Variants in ABHD8 observed in about 807,000 individuals in gnomAD.
The protein encoded by ABHD8 is abhydrolase domain containing 8.
ABHD8 carries 10 observed loss-of-function variants against 29.3 expected under a neutral mutation model. The ratio of observed to expected loss-of-function variants is 0.34; its 90% CI spans 0.21 to 0.58. The LOEUF (loss-of-function observed/expected upper bound fraction) is 0.58, where lower values mean the gene tolerates loss of function less well. Ranked by LOEUF, ABHD8 falls within the 20% of genes least tolerant of loss-of-function variation. The pLI is 0.85. For missense variants in ABHD8, 556 were observed against 615.3 expected, an observed-to-expected ratio of 0.90 and a Z score of 1.02; for synonymous variants, 282 against 274.6, an observed-to-expected ratio of 1.03 and a Z score of -0.27.
intron 4 of ABHD8, among the ~76,000 whole-genome samples, chr19:17,293,953 C>G (rs576823931): frequency 2.9e-4 from 44 of 152,188 alleles, no homozygotes; most frequent in South Asian, 2.1e-4. Flanking sequence ...CCCCTGGTGC[C>G]GGTCTTCTAG....
At chr19:17,300,133 T>C in intron 2 of ABHD8, among the ~76,000 whole-genome samples, 1 of 152,104 alleles carries the variant, frequency 6.6e-6, no homozygotes, top group Admixed American at 6.6e-5. Flanking sequence ...CTCAATCTTC[T>C]GACCTCGTGA....
chr19:17,294,578 C>A, intron 3 of ABHD8, 74 bp from the exon 4 acceptor site: 1 of 1,609,182 alleles, frequency 6.2e-7, no homozygotes. Context: ...GATGCCAGCC[C>A]TAGTCCCAGC....
Position 17,301,054 on chromosome 19 carries a change from A to C in ABHD8, c.563T>G (p.Leu188Arg), listed in dbSNP as rs1212478405. The change falls in exon 2 of 5, where the codon CTG becomes CGG. Residue 188 changes from leucine to arginine, a missense_variant. This residue lies in a region of ABHD8 where 270 missense variants were observed against 353.9 expected (regional missense o/e 0.76). Transcript: ENST00000247706. ...LFFIHGVGGS[L>R]AIWKEQLDFF... ...GTCCAGCTGCTCCTTCCAGATGGCCAGGGAACCGCCGACACCATGGATGAA... is the reference window on the plus strand; with the variant it reads ...GTCCAGCTGCTCCTTCCAGATGGCCCGGGAACCGCCGACACCATGGATGAA... 6.2e-7 allele frequency: 1 copy of C among 1,613,392 alleles called. No homozygotes were observed. The highest frequency in any genetic ancestry group is 1.3e-5 in the African/African-American group (1 of 74,956).
Position 17,292,811 on chromosome 19 carries a change from C to T in ABHD8, c.1170G>A (p.Leu390=), listed in dbSNP as rs751499183. ...TGTGGCTGCCCTCGTCGATGAGCTT[C>T]AGGAATGCCAGGAGCAGGATCTGCA... The part of the protein sequence containing the change: ...RMAEILLLAF[L]KLIDEGSHMV... Residue 390 remains leucine, a synonymous_variant, in exon 5 of 5, where the codon CTG becomes CTA. Coordinates refer to ENST00000247706, the MANE Select transcript of ABHD8 (RefSeq NM_024527.5). 6.2e-7 allele frequency: 1 copy of T among 1,612,686 alleles called. No homozygotes were observed. Among genetic ancestry groups the T allele is most frequent in the Admixed American group, 1.7e-5 (1 of 59,934 alleles).
At position 17,301,375 on chromosome 19, in the gene ABHD8, C is replaced by A; in HGVS notation, c.242G>T (p.Arg81Leu). 6.2e-7 allele frequency: 1 copy of A among 1,611,106 alleles called. No individual in the cohort carries two copies. Among genetic ancestry groups the A allele is most frequent in the Non-Finnish European group, 8.5e-7 (1 of 1,179,912 alleles). ...DLSGLVRCQR[R>L]ITVYRNGRLL... is the part of the protein sequence containing the mutation. ...CCGCCCATTGCGGTACACGGTGATC[C>A]GGCGCTGACAGCGGACCAAGCCGGA... is the stretch of plus-strand genomic sequence containing the variant. Residue 81 changes from arginine to leucine, a missense_variant, in exon 2 of 5, where the codon CGG (arginine) becomes CTG (leucine). Arg to Leu is a moderately radical substitution (Grantham distance 102, BLOSUM62 -2). Coordinates refer to ENST00000247706, the MANE Select transcript of ABHD8 (RefSeq NM_024527.5).
At chr19:17,294,188 A>C (rs575619651) in intron 4 of ABHD8, 100 bp downstream of exon 4, 2 of 1,402,952 alleles carry the variant, frequency 1.4e-6, no homozygotes, top group Non-Finnish European at 1.9e-6. Flanking sequence ...GGAAGAAAGC[A>C]CGCCCACCAA....
intron 4 of ABHD8, among the ~76,000 whole-genome samples, chr19:17,293,529 G>A (rs1599521600): frequency 6.6e-6 from 1 of 151,938 alleles, no homozygotes; most frequent in East Asian, 1.9e-4. Context: ...TTTGTAGGGT[G>A]TTGAGCAGCA....
rs1418088232 is a variant in ABHD8 at position 17,301,597 on chromosome 19, T to G, written c.20A>C (p.Asp7Ala). 6.4e-7 allele frequency: 1 copy of G among 1,564,624 alleles called. No individual in the cohort carries two copies. ...GCCCAGCAGGCAACAGAAGATACCG[T>G]CGGTCACCCCGGTCAGCATGGTGTG... MLTGVT[D>A]GIFCCLLGTP... The change falls in exon 2 of 5, where the codon GAC (aspartate) becomes GCC (alanine). Residue 7 changes from aspartate to alanine, a missense_variant. Physicochemically the swap from Asp to Ala is moderately radical, Grantham distance 126. Around this residue, in one of 2 missense-constraint regions of ABHD8, gnomAD observed 286 missense variants for 261.4 expected, o/e 1.09. Coordinates refer to ENST00000247706, the MANE Select transcript of ABHD8 (RefSeq NM_024527.5).
chr19:17,301,105 C>T lies in ABHD8; in HGVS notation c.512G>A (p.Gly171Asp). The T allele has an allele frequency of 6.2e-7, 1 of 1,613,324 alleles. No homozygotes were observed. The highest frequency in any genetic ancestry group is 1.3e-5 in the African/African-American group (1 of 75,082). ...DCEKRITSCK[G>D]AQADVVLFFI... ...AAAGAGCACCACGTCGGCCTGGGCGCCTTTGCAGCTAGTGATGCGCTTCTC... is the reference window on the plus strand; with the variant it reads ...AAAGAGCACCACGTCGGCCTGGGCGTCTTTGCAGCTAGTGATGCGCTTCTC... The change falls in exon 2 of 5, where the codon GGC becomes GAC. Residue 171 changes from glycine to aspartate, a missense_variant. This residue lies in a region of ABHD8 where 286 missense variants were observed against 261.4 expected (regional missense o/e 1.09). Transcript: ENST00000247706.
chr19:17,301,355 C>T lies in ABHD8; in HGVS notation c.262G>A (p.Gly88Arg). ...CCCAGGTTTTCCACCAGCAACCGCC[C>T]ATTGCGGTACACGGTGATCCGGCGC... ...CQRRITVYRN[G>R]RLLVENLGRA... Residue 88 changes from glycine to arginine, a missense_variant, in exon 2 of 5, where the codon GGG becomes AGG. Physicochemically the swap from Gly to Arg is moderately radical, Grantham distance 125. Coordinates refer to ENST00000247706, the MANE Select transcript of ABHD8 (RefSeq NM_024527.5). 1 of 1,610,148 alleles carries T rather than the reference C, an allele frequency of 6.2e-7. No individual in the cohort carries two copies. Among genetic ancestry groups the T allele is most frequent in the South Asian group, 1.1e-5 (1 of 91,086 alleles).
At chr19:17,295,175 G>A (rs1314130544) in intron 2 of ABHD8, among the ~76,000 whole-genome samples, 1 of 135,746 alleles carries the variant, frequency 7.4e-6, no homozygotes, top group African/African-American at 2.8e-5. Context: ...GCGCAATCTC[G>A]GCTCACTGCA....
rs377511517 is a variant in ABHD8, at chr19:17,292,657, G to A, written c.*4C>T. On this transcript the variant is annotated 3_prime_UTR_variant, in exon 5 of 5. Transcript: ENST00000247706. ...CACCAAGCGATGCCCCGCCGGCCCAGCGGCTACTTCTTGTCTTCTGGAGGC... is the reference window on the plus strand; with the variant it reads ...CACCAAGCGATGCCCCGCCGGCCCAACGGCTACTTCTTGTCTTCTGGAGGC... 48 of 1,606,368 alleles carry A rather than the reference G, an allele frequency of 3.0e-5. No homozygotes were observed. The African/African-American group carries it at 5.7e-4, about 19-fold the overall frequency.
intron 4 of ABHD8, 124 bp downstream of exon 4, chr19:17,294,164 G>A (rs1025674607): frequency 2.4e-5 from 29 of 1,233,712 alleles, no homozygotes; most frequent in Middle Eastern, 5.6e-4. Flanking sequence ...CCACCCGGCA[G>A]CCACGCCCCC....
chr19:17,292,718 C>T lies in ABHD8; in HGVS notation c.1263G>A (p.Glu421=), dbSNP rs1378437202. ...GCTCCGGTAGAGCCTTGGGCGAGGG[C>T]TCGGGCTCCCAGAGCAGGAATTCGT... ...LLHEFLLWEP[E]PSPKALPEPL... Residue 421 remains glutamate, a synonymous_variant, in exon 5 of 5, where the codon GAG becomes GAA. Coordinates refer to ENST00000247706, the MANE Select transcript of ABHD8 (RefSeq NM_024527.5). 4 of 1,613,614 alleles carry T rather than the reference C, an allele frequency of 2.5e-6. No individual in the cohort carries two copies. The highest frequency in any genetic ancestry group is 3.4e-6 in the Non-Finnish European group (4 of 1,179,898).
rs28683582 is a variant in ABHD8, at chr19:17,293,690, G to T, written c.1149+598C>A. 8.4e-3 allele frequency among the ~76,000 whole-genome samples: 1,227 copies of T among 145,942 alleles called. 21 individuals carry two copies. The highest frequency in any genetic ancestry group is 0.023 in the African/African-American group (908 of 39,798). ...GTCCAGTTATACTTTAATGGTTTTT[G>T]TTTTTTTTTTTTTTTCTTTAAGAAA... On this transcript the variant is annotated intron_variant, in intron 4 of 4. Coordinates refer to ENST00000247706, the MANE Select transcript of ABHD8 (RefSeq NM_024527.5).
Position 17,292,851 on chromosome 19 carries a change from C to G in ABHD8, c.1150-20G>C. 1 of 1,604,560 alleles carries G rather than the reference C, an allele frequency of 6.2e-7. No homozygotes were observed. The highest frequency in any genetic ancestry group is 8.5e-7 in the Non-Finnish European group (1 of 1,174,134). On this transcript the variant is annotated intron_variant, in intron 4 of 4. Transcript: ENST00000247706. ...CAGGATCTGCAGAAGACGCAGGGCT[C>G]AAGGTAGGCGGGGGCAAGAGGGTGG...
Position 17,294,344 on chromosome 19 carries a change from C to A in ABHD8, c.1093G>T (p.Val365Phe). The A allele has an allele frequency of 6.2e-7, 1 of 1,613,010 alleles. No homozygotes were observed. The highest frequency in any genetic ancestry group is 8.5e-7 in the Non-Finnish European group (1 of 1,179,990). The change falls in exon 4 of 5, where the codon GTC becomes TTC. Residue 365 changes from valine (V) to phenylalanine (F), a missense_variant. This residue lies in a region of ABHD8 where 270 missense variants were observed against 353.9 expected (regional missense o/e 0.76). Coordinates refer to ENST00000247706, the MANE Select transcript of ABHD8 (RefSeq NM_024527.5). ...ACAAACTTATCGTGCATGCCGTGGACAAGCAGGACGGGCACGGTGAGCTCG... is the reference window on the plus strand; with the variant it reads ...ACAAACTTATCGTGCATGCCGTGGAAAAGCAGGACGGGCACGGTGAGCTCG... ...HAELTVPVLLVHGMHDKFVPV... is the reference protein window; with the variant it reads ...HAELTVPVLLFHGMHDKFVPV...
intron 4 of ABHD8, among the ~76,000 whole-genome samples, chr19:17,294,060 G>A (rs1009127478): frequency 2.0e-5 from 3 of 152,044 alleles, no homozygotes; most frequent in African/African-American, 7.2e-5. Context: ...ACCTGTCCAG[G>A]GCAGCCCTGC....
At chr19:17,299,476 G>A (rs1377444104) in intron 2 of ABHD8, among the ~76,000 whole-genome samples, 2 of 148,226 alleles carry the variant, frequency 1.3e-5, no homozygotes, top group Non-Finnish European at 3.0e-5. Flanking sequence ...CAGGAGAATG[G>A]CATGAACCTG....
Sources: allele counts gnomAD v4.1 joint callset (sites outside exome capture counted in the v4.1 genomes callset), GRCh38; gene constraint gnomAD v4.1.1; regional missense constraint gnomAD v4.1.1; transcripts MANE v1.5; gene names NCBI Gene and HGNC (gene_info 2026-07-23, HGNC 2026-07-21).